Variants in GLMN observed in about 807,000 individuals in gnomAD.
GLMN encodes the protein glomulin, FKBP associated protein, also known as glomulin.
A neutral mutation model predicts 87.8 loss-of-function variants in GLMN; 75 were observed. The observed-to-expected ratio is 0.85, with a 90% CI of 0.71 to 1.04. The LOEUF is 1.04. Ranked by LOEUF, GLMN falls within the 50% of genes least tolerant of loss-of-function variation. The pLI is 0.00. For missense variants in GLMN, 588 were observed against 658.8 expected, an observed-to-expected ratio of 0.89 and a Z score of 1.18; for synonymous variants, 206 against 221.6, an observed-to-expected ratio of 0.93 and a Z score of 0.63.
At chr1:92,259,711 T>C (rs1171360269) in intron 16 of GLMN, among the ~76,000 whole-genome samples, 1 of 150,298 alleles carries the variant, frequency 6.7e-6, no homozygotes, top group Non-Finnish European at 1.5e-5. Flanking sequence ...ACCATCATTT[T>C]GTTTTTTCTT....
chr1:92,269,301 A>G lies in GLMN; in HGVS notation c.977+422T>C, dbSNP rs770664721. On this transcript the variant is annotated intron_variant, in intron 9 of 18. Transcript: ENST00000370360. Reference sequence around the variant, plus strand: ...CACTGTCAATAATCTAAATTATAAAAGGTGGAAGTCAAGACACCTCCTTCC... The same window carrying G: ...CACTGTCAATAATCTAAATTATAAAGGGTGGAAGTCAAGACACCTCCTTCC... Among the ~76,000 whole-genome samples, 3 of 152,122 alleles carry G rather than the reference A, an allele frequency of 2.0e-5. No individual in the cohort carries two copies. In the South Asian group the frequency reaches 6.2e-4, roughly 32 times the overall value.
At chr1:92,300,131 T>G, upstream of GLMN, 1 of 1,119,934 alleles carries the variant, frequency 8.9e-7, no homozygotes, top group Non-Finnish European at 1.3e-6. Flanking sequence ...GACCGCTGTC[T>G]GTATGCTGTC....
At chr1:92,260,765 G>GAAAAAAAAAAAAA (rs765865353) in intron 16 of GLMN, among the ~76,000 whole-genome samples, 1 of 100,068 alleles carries the variant, frequency 1.0e-5, no homozygotes, top group Non-Finnish European at 1.9e-5. Flanking sequence ...CTTTGAGATG[G>GAAAAAAAAAAAAA]AAAAAAAAAA....
intron 8 of GLMN, 73 bp from the exon 9 acceptor site, chr1:92,269,849 T>TTGAATTG: frequency 1.0e-6 from 1 of 975,132 alleles, no homozygotes; most frequent in Non-Finnish European, 1.6e-6. Context: ...CATATTGTTA[T>TTGAATTG]GGGTTGAATT....
the GLMN span, chr1:92,323,977 A>G: frequency 6.2e-7 from 1 of 1,614,062 alleles, no homozygotes; most frequent in Non-Finnish European, 8.5e-7. Context: ...GTCAGTGTCT[A>G]GTTCAGTGCA....
At chr1:92,262,768 A>G (rs547453757) in intron 16 of GLMN, 95 bp downstream of exon 16, 1 of 661,000 alleles carries the variant, frequency 1.5e-6, no homozygotes, top group East Asian at 2.8e-5. Context: ...ATATCTGGGT[A>G]AGATATTAAA....
the GLMN span, among the ~76,000 whole-genome samples, chr1:92,305,302 G>A: frequency 1.3e-5 from 2 of 150,002 alleles, no homozygotes; most frequent in Non-Finnish European, 3.0e-5. Context: ...ACGTGATGGC[G>A]GGCGCCTGTA....
At chr1:92,250,787 T>C (rs913623447) in intron 16 of GLMN, among the ~76,000 whole-genome samples, 3 of 152,332 alleles carry the variant, frequency 2.0e-5, no homozygotes, top group South Asian at 2.1e-4. Flanking sequence ...TAATTCACTA[T>C]TGAGCCTAGT....
the GLMN span, among the ~76,000 whole-genome samples, chr1:92,315,631 C>T: frequency 6.6e-6 from 1 of 152,244 alleles, no homozygotes; most frequent in Non-Finnish European, 1.5e-5. Context: ...AGAGTAATAT[C>T]TTTATATCAC....
Position 92,246,466 on chromosome 1 carries a change from G to T in GLMN, c.*64C>A. The T allele has an allele frequency of 1.3e-6, 1 of 762,324 alleles. No individual in the cohort carries two copies. Among genetic ancestry groups the T allele is most frequent in the Non-Finnish European group, 2.3e-6 (1 of 436,212 alleles). The allele number at this position is 762,324 out of a possible 1,614,324, so 47.2% of individuals were successfully genotyped here. On this transcript the variant is annotated 3_prime_UTR_variant, in exon 19 of 19. Transcript: ENST00000370360. ...TTTTACAGAAAAATTTTTTATAAAG[G>T]TATTAAATGAATCATAATGGAAAGT... is the stretch of plus-strand genomic sequence containing the variant.
At chr1:92,269,152 T>C (rs1032412503) in intron 9 of GLMN, among the ~76,000 whole-genome samples, 2 of 151,962 alleles carry the variant, frequency 1.3e-5, no homozygotes, top group East Asian at 1.9e-4. Flanking sequence ...TCCTCTCGCC[T>C]TGGTCTCCCA....
At chr1:92,314,160 G>A in the GLMN span, among the ~76,000 whole-genome samples, 5 of 152,048 alleles carry the variant, frequency 3.3e-5, no homozygotes, top group Middle Eastern at 3.2e-3. Flanking sequence ...CACAACTTGC[G>A]TACTGGCAAA....
In GLMN at chr1:92,289,128, C is replaced by A. The variant is rs754543701; in HGVS notation, c.418G>T (p.Ala140Ser). ...QTVIQKLHNK[A>S]YSIGLALSTL... ...GACAATGCTAATCCAATTGAATATG[C>A]CTTGTTATGAAGTTTCTGAATCACT... is the stretch of plus-strand genomic sequence containing the variant. Residue 140 changes from alanine (A) to serine (S), a missense_variant, in exon 6 of 19, where the codon GCA (alanine) becomes TCA (serine). Physicochemically the swap from Ala to Ser is moderately conservative, Grantham distance 99. Coordinates refer to ENST00000370360, the MANE Select transcript of GLMN (RefSeq NM_053274.3). The A allele has an allele frequency of 4.4e-6, 7 of 1,600,816 alleles. No homozygotes were observed. The highest frequency in any genetic ancestry group is 6.0e-6 in the Non-Finnish European group (7 of 1,168,166).
chr1:92,247,587 T>C (rs1410578538), intron 17 of GLMN, among the ~76,000 whole-genome samples: 1 of 152,082 alleles, frequency 6.6e-6, no homozygotes, highest in Non-Finnish European at 1.5e-5. Context: ...AGATGGAGAG[T>C]GGACCCAGCA....
chr1:92,333,875 C>T, the GLMN span, among the ~76,000 whole-genome samples: 1 of 152,216 alleles, frequency 6.6e-6, no homozygotes, highest in Admixed American at 6.5e-5. Flanking sequence ...AGTCACTCTG[C>T]ATGCATATCC....
At chr1:92,330,804 A>C in the GLMN span, among the ~76,000 whole-genome samples, 2 of 152,174 alleles carry the variant, frequency 1.3e-5, no homozygotes, top group Non-Finnish European at 2.9e-5. Flanking sequence ...TCAGAAACAC[A>C]CAAAGATAGA....
the GLMN span, among the ~76,000 whole-genome samples, chr1:92,334,930 G>A: frequency 1.3e-5 from 2 of 152,186 alleles, no homozygotes; most frequent in Non-Finnish European, 2.9e-5. Flanking sequence ...GGAGCTTGCA[G>A]TGAGCCAAGA....
the GLMN span, among the ~76,000 whole-genome samples, chr1:92,366,626 C>G: frequency 1.3e-5 from 2 of 152,138 alleles, no homozygotes; most frequent in African/African-American, 4.8e-5. Flanking sequence ...CAATAACAAA[C>G]AAGCAAGGCA....
intron 7 of GLMN, 132 bp from the exon 8 acceptor site, chr1:92,271,784 G>A (rs1203702551): frequency 1.5e-6 from 1 of 678,846 alleles, no homozygotes; most frequent in Non-Finnish European, 2.6e-6. Flanking sequence ...GGACCTATGA[G>A]ACTTGCTTTC....
Sources: gnomAD v4.1 joint callset for allele counts (sites outside exome capture counted in the v4.1 genomes callset) on GRCh38, gnomAD v4.1.1 for gene constraint, MANE v1.5 for transcripts, NCBI Gene and HGNC (gene_info 2026-07-23, HGNC 2026-07-21) for gene names.